AAMP: variants seen among roughly 807,000 people sequenced by gnomAD.
The protein encoded by AAMP is angio-associated migratory cell protein.
Under a neutral mutation model 51.1 loss-of-function variants are expected in AAMP, and 12 were observed. The ratio of observed to expected loss-of-function variants is 0.23; its 90% CI spans 0.15 to 0.38. AAMP has a LOEUF of 0.38. Ranked by LOEUF, AAMP falls within the 10% of genes least tolerant of loss-of-function variation. The probability of loss-of-function intolerance (pLI) is 1.00; values close to 1 mark genes in which losing one functional copy is unlikely to be tolerated. For missense variants in AAMP, 418 were observed against 557.2 expected (o/e 0.75, Z 2.52); for synonymous variants, 210 against 218.7 (o/e 0.96, Z 0.35).
At position 218,265,921 on chromosome 2, in the gene AAMP, G is replaced by A. The variant is rs781445536; in HGVS notation, c.789C>T (p.Leu263=). The A allele has an allele frequency of 1.2e-6, 2 of 1,613,830 alleles. No individual in the cohort carries two copies. Among genetic ancestry groups the A allele is most frequent in the Non-Finnish European group, 1.7e-6 (2 of 1,179,944 alleles). The change falls in exon 7 of 11, where the codon CTC becomes CTT. Residue 263 remains leucine, a synonymous_variant. Transcript: ENST00000248450. The surrounding 1 kb of genome is among the most constrained non-coding windows in gnomAD (Gnocchi z 6.6). Reference sequence around the variant, plus strand: ...CATCCTGGTTGGCAGCAACACAGGTGAGTGGGCCCTGGTGACCCTCAGTCC... The same window carrying A: ...CATCCTGGTTGGCAGCAACACAGGTAAGTGGGCCCTGGTGACCCTCAGTCC... ...LKGTEGHQGP[L]TCVAANQDGS...
At position 218,267,747 on chromosome 2, in the gene AAMP, GTTC is replaced by G. The variant is rs1202459204; in HGVS notation, c.275-137_275-135del. ...TCCTGGAAAACACAGGTACATCCAA[GTTC>G]TTCTAAGTTTCAAGAATTGGGTTGT... On this transcript the variant is annotated intron_variant, in intron 2 of 10. Coordinates refer to ENST00000248450, the MANE Select transcript of AAMP (RefSeq NM_001087.5). This position sits in a 1 kb window ranked among gnomAD's most constrained non-coding sequence, Gnocchi z 4.6. The G allele has an allele frequency of 6.3e-6, 7 of 1,105,888 alleles. No homozygotes were observed. Among genetic ancestry groups the G allele is most frequent in the Middle Eastern group, 2.3e-4 (1 of 4,398 alleles). The allele number at this position is 1,105,888 out of a possible 1,614,324, so 68.5% of individuals were successfully genotyped here.
rs77958847 is a variant in AAMP, at chr2:218,266,907, C to G, written c.474G>C (p.Leu158Phe). 5.0e-6 allele frequency: 8 copies of G among 1,614,210 alleles called. No individual in the cohort carries two copies. Among genetic ancestry groups the G allele is most frequent in the Non-Finnish European group, 6.8e-6 (8 of 1,180,026 alleles). ...LVATGDMSGL[L>F]KVWQVDTKEE... is the part of the protein sequence containing the mutation. ...CCTTAGTGTCCACCTGCCACACTTTCAAGAGGCCACTCATGTCCCCTGTGG... is the reference window on the plus strand; with the variant it reads ...CCTTAGTGTCCACCTGCCACACTTTGAAGAGGCCACTCATGTCCCCTGTGG... Residue 158 changes from leucine (L) to phenylalanine (F), a missense_variant, in exon 4 of 11, where the codon TTG (leucine) becomes TTC (phenylalanine). Leu to Phe is a conservative substitution (Grantham distance 22). Transcript: ENST00000248450. This position sits in a 1 kb window ranked among gnomAD's most constrained non-coding sequence, Gnocchi z 4.7.
chr2:218,267,973 GTTTT>G lies in AAMP; in HGVS notation c.275-364_275-361del, dbSNP rs899067253. ...TCACGTTAAGGGTTTTTTGTTTTTTGTTTTTTGTTTTTTGAGACAGAGTCTTGCT... is the reference window on the plus strand; with the variant it reads ...TCACGTTAAGGGTTTTTTGTTTTTTGTTGTTTTTTGAGACAGAGTCTTGCT... On this transcript the variant is annotated intron_variant, in intron 2 of 10. Transcript: ENST00000248450. The surrounding 1 kb of genome is among the most constrained non-coding windows in gnomAD (Gnocchi z 4.6). Among the ~76,000 whole-genome samples the G allele has an allele frequency of 6.6e-6, 1 of 151,994 alleles. No individual in the cohort carries two copies. The highest frequency in any genetic ancestry group is 1.5e-5 in the Non-Finnish European group (1 of 67,978).
Position 218,269,406 on chromosome 2 carries a change from C to T in AAMP, c.250G>A (p.Glu84Lys). 1 of 1,614,170 alleles carries T rather than the reference C, an allele frequency of 6.2e-7. No individual in the cohort carries two copies. Among genetic ancestry groups the T allele is most frequent in the Non-Finnish European group, 8.5e-7 (1 of 1,180,050 alleles). The change falls in exon 2 of 11, where the codon GAG becomes AAG. Residue 84 changes from glutamate (E) to lysine (K), a missense_variant. Glu to Lys is a moderately conservative substitution (Grantham distance 56). Coordinates refer to ENST00000248450, the MANE Select transcript of AAMP (RefSeq NM_001087.5). ...CCTGAGTGCAATGCAAAGGTGACCT[C>T]GCTATCGTCGGGGCCCTCCATGCTG... ...VGSMEGPDDS[E>K]VTFALHSASV...
In AAMP at chr2:218,266,223, A is replaced by G; in HGVS notation, c.680-76T>C. 6.9e-7 allele frequency: 1 copy of G among 1,440,352 alleles called. No individual in the cohort carries two copies. Among genetic ancestry groups the G allele is most frequent in the Non-Finnish European group, 9.7e-7 (1 of 1,026,426 alleles). The allele number at this position is 1,440,352 out of a possible 1,614,324, so 89.2% of individuals were successfully genotyped here. A position where few individuals can be genotyped will look rare whatever the true frequency, so the allele number is the denominator to read the frequency against. On this transcript the variant is annotated intron_variant, in intron 5 of 10. Coordinates refer to ENST00000248450, the MANE Select transcript of AAMP (RefSeq NM_001087.5). The surrounding 1 kb of genome is among the most constrained non-coding windows in gnomAD (Gnocchi z 4.7). ...TAAGCAAGGGAATGGGGAGAGGGAGAGGAAAGAAGAGTGGAAGGGCCCAGA... is the reference window on the plus strand; with the variant it reads ...TAAGCAAGGGAATGGGGAGAGGGAGGGGAAAGAAGAGTGGAAGGGCCCAGA...
intron 2 of AAMP, among the ~76,000 whole-genome samples, chr2:218,268,656 T>C (rs1033100051): frequency 6.6e-6 from 1 of 152,008 alleles, no homozygotes; most frequent in Non-Finnish European, 1.5e-5. Context: ...ATCTCTAATT[T>C]TATACTCACT....
Position 218,265,968 on chromosome 2 carries a change from G to A in AAMP, c.764-22C>T, listed in dbSNP as rs2106171469. Reference sequence around the variant, plus strand: ...GTCCCTAGCATAGAGCAGGGAGGCAGCTCAGGCTTCGTCCTACCTCCCCTC... The same window carrying A: ...GTCCCTAGCATAGAGCAGGGAGGCAACTCAGGCTTCGTCCTACCTCCCCTC... On this transcript the variant is annotated intron_variant, in intron 6 of 10. Transcript: ENST00000248450. The surrounding 1 kb of genome is among the most constrained non-coding windows in gnomAD (Gnocchi z 6.6). 1.2e-6 allele frequency: 2 copies of A among 1,611,314 alleles called. No homozygotes were observed. The highest frequency in any genetic ancestry group is 1.7e-6 in the Non-Finnish European group (2 of 1,177,584).
At chr2:218,269,831 G>C (rs1690747455) in intron 1 of AAMP, 135 bp downstream of exon 1, 1 of 1,373,110 alleles carries the variant, frequency 7.3e-7, no homozygotes, top group Admixed American at 2.0e-5. Flanking sequence ...TGTGAGGGTG[G>C]GAGTGGGGGA....
chr2:218,268,279 T>C (rs1198604018), intron 2 of AAMP, among the ~76,000 whole-genome samples: 1 of 151,932 alleles, frequency 6.6e-6, no homozygotes, highest in African/African-American at 2.4e-5. Context: ...AGTTTCTTAC[T>C]AAGAACTAGC....
chr2:218,266,547 C>G lies in AAMP; in HGVS notation c.575G>C (p.Gly192Ala), dbSNP rs367763639. The G allele has an allele frequency of 1.1e-4, 184 of 1,613,656 alleles. 1 individual carries two copies. Among genetic ancestry groups the G allele is most frequent in the Non-Finnish European group, 1.3e-4 (153 of 1,179,984 alleles). ...CATCCAGGTGTTGCCGTCAGCTGTG[C>G]CCGCCAACAGGACAGGTGCCCGAGG... ...WHPRAPVLLA[G>A]TADGNTWMWK... The change falls in exon 5 of 11, where the codon GGC becomes GCC. Residue 192 changes from glycine (G) to alanine (A), a missense_variant. Transcript: ENST00000248450. The surrounding 1 kb of genome is among the most constrained non-coding windows in gnomAD (Gnocchi z 4.7).
chr2:218,269,103 G>A (rs1018488666), intron 2 of AAMP, among the ~76,000 whole-genome samples: 1 of 152,234 alleles, frequency 6.6e-6, no homozygotes, highest in Non-Finnish European at 1.5e-5. Flanking sequence ...AAAGTGCTGG[G>A]ATTTCAGGAG....
chr2:218,264,992 G>T (rs781051240), intron 10 of AAMP, 28 bp downstream of exon 10: 2 of 1,613,292 alleles, frequency 1.2e-6, no homozygotes, highest in Non-Finnish European at 1.7e-6. Context: ...AATACACAAA[G>T]ATCCCAGCCC....
Position 218,266,591 on chromosome 2 carries a change from G to A in AAMP, c.535-4C>T, listed in dbSNP as rs1401253756. The A allele has an allele frequency of 1.2e-6, 2 of 1,610,768 alleles. No individual in the cohort carries two copies. Among genetic ancestry groups the A allele is most frequent in the African/African-American group, 2.7e-5 (2 of 74,840 alleles). ...CCCGAGGATGCCACTCCATCCACTG[G>A]ACAGGGAGGAAGGGGCAGCAGGGAG... On this transcript the variant is annotated splice_region_variant and splice_polypyrimidine_tract_variant and intron_variant, in intron 4 of 10. Coordinates refer to ENST00000248450, the MANE Select transcript of AAMP (RefSeq NM_001087.5). The surrounding 1 kb of genome is among the most constrained non-coding windows in gnomAD (Gnocchi z 4.7).
At position 218,265,672 on chromosome 2, in the gene AAMP, A is replaced by G; in HGVS notation, c.890T>C (p.Val297Ala). 1 of 1,612,890 alleles carries G rather than the reference A, an allele frequency of 6.2e-7. No individual in the cohort carries two copies. The highest frequency in any genetic ancestry group is 1.1e-5 in the South Asian group (1 of 91,078). The change falls in exon 8 of 11, where the codon GTT becomes GCT. Residue 297 changes from valine (V) to alanine (A), a missense_variant. Physicochemically the swap from Val to Ala is moderately conservative, Grantham distance 64. Transcript: ENST00000248450. This position sits in a 1 kb window ranked among gnomAD's most constrained non-coding sequence, Gnocchi z 6.6. ...GGAGGCCACAGTCTCAGGTCTAAAA[A>G]CACCCACCACCTGAAAGCCAGAGAG... ...VSATTGKVVG[V>A]FRPETVASQP... is the part of the protein sequence containing the mutation.
chr2:218,265,396 G>T lies in AAMP; in HGVS notation c.1049C>A (p.Thr350Asn). The change falls in exon 9 of 11, where the codon ACT becomes AAT. Residue 350 changes from threonine (T) to asparagine (N), a missense_variant. Physicochemically the swap from Thr to Asn is moderately conservative, Grantham distance 65. Coordinates refer to ENST00000248450, the MANE Select transcript of AAMP (RefSeq NM_001087.5). The surrounding 1 kb of genome is among the most constrained non-coding windows in gnomAD (Gnocchi z 6.6). ...TLAIYDLATQTLRHQCQHQSG... is the reference protein window; with the variant it reads ...TLAIYDLATQNLRHQCQHQSG... The stretch of plus-strand genomic sequence containing the variant: ...CTGGTGCTGACACTGATGCCTAAGA[G>T]TCTGCGTAGCCAGGTCATAGATGGC... 6.4e-7 allele frequency: 1 copy of T among 1,561,188 alleles called. No individual in the cohort carries two copies. The highest frequency in any genetic ancestry group is 8.7e-7 in the Non-Finnish European group (1 of 1,151,654).
rs1013660004 is a variant in AAMP, at chr2:218,266,723, C to A, written c.534+124G>T. 5 of 1,555,898 alleles carry A rather than the reference C, an allele frequency of 3.2e-6. No homozygotes were observed. Among genetic ancestry groups the A allele is most frequent in the Admixed American group, 3.6e-5 (2 of 55,844 alleles). ...TCCAGGTAGCAGGTAGATATTCTTCCTGTGCCTTGGGGCGCATTGGCTCAG... is the reference window on the plus strand; with the variant it reads ...TCCAGGTAGCAGGTAGATATTCTTCATGTGCCTTGGGGCGCATTGGCTCAG... On this transcript the variant is annotated intron_variant, in intron 4 of 10. Transcript: ENST00000248450. This position sits in a 1 kb window ranked among gnomAD's most constrained non-coding sequence, Gnocchi z 4.7.
chr2:218,267,407 G>C lies in AAMP; in HGVS notation c.394+87C>G. On this transcript the variant is annotated intron_variant, in intron 3 of 10. Coordinates refer to ENST00000248450, the MANE Select transcript of AAMP (RefSeq NM_001087.5). This position sits in a 1 kb window ranked among gnomAD's most constrained non-coding sequence, Gnocchi z 4.6. ...ACAAAAGAGATGTCACTAAGTGGCT[G>C]TTGGATGCACAACCTCTGCAGGTCA... is the stretch of plus-strand genomic sequence containing the variant. The C allele has an allele frequency of 6.4e-7, 1 of 1,564,692 alleles. No individual in the cohort carries two copies. Among genetic ancestry groups the C allele is most frequent in the Non-Finnish European group, 8.7e-7 (1 of 1,146,890 alleles).
Position 218,266,992 on chromosome 2 carries a change from A to G in AAMP, c.395-6T>C, listed in dbSNP as rs758218376. On this transcript the variant is annotated splice_region_variant and splice_polypyrimidine_tract_variant and intron_variant, in intron 3 of 10. Coordinates refer to ENST00000248450, the MANE Select transcript of AAMP (RefSeq NM_001087.5). This position sits in a 1 kb window ranked among gnomAD's most constrained non-coding sequence, Gnocchi z 4.7. ...AGTCACAGAGTCTTTATGGCCTTCA[A>G]AGAAAAGTGGGCAGAAAACAGAGGA... 1.2e-6 allele frequency: 2 copies of G among 1,612,282 alleles called. No individual in the cohort carries two copies. Among genetic ancestry groups the G allele is most frequent in the Non-Finnish European group, 1.7e-6 (2 of 1,178,464 alleles).
intron 1 of AAMP, 199 bp from the exon 2 acceptor site, chr2:218,269,733 C>A: frequency 9.5e-7 from 1 of 1,047,758 alleles, no homozygotes; most frequent in Non-Finnish European, 1.4e-6. Context: ...AAGGGAGGGC[C>A]AAGGGGATGA....
Sources: gnomAD v4.1 joint callset for allele counts (sites outside exome capture counted in the v4.1 genomes callset) on GRCh38, gnomAD v4.1.1 for gene constraint, Gnocchi (gnomAD v3.1) non-coding constraint, MANE v1.5 for transcripts, NCBI Gene and HGNC (gene_info 2026-07-23, HGNC 2026-07-21) for gene names.